Variants in COG5 observed in about 807,000 individuals in gnomAD.
The protein encoded by COG5 is conserved oligomeric Golgi complex subunit 5.
COG5 carries 86 observed loss-of-function variants against 110.4 expected under a neutral mutation model. The ratio of observed to expected loss-of-function variants is 0.78; its 90% CI spans 0.65 to 0.93. The LOEUF (loss-of-function observed/expected upper bound fraction) is 0.93. Ranked by LOEUF, COG5 falls within the 40% of genes least tolerant of loss-of-function variation. COG5 has a pLI of 0.00. For synonymous variants in COG5, 360 were observed against 334.6 expected, an observed-to-expected ratio of 1.08 and a Z score of -0.83; for missense variants, 1,077 against 987.0, an observed-to-expected ratio of 1.09 and a Z score of -1.22.
At chr7:107,410,882 C>A (rs982375944) in intron 7 of COG5, among the ~76,000 whole-genome samples, 1 of 152,030 alleles carries the variant, frequency 6.6e-6, no homozygotes, top group Admixed American at 6.6e-5. Flanking sequence ...TGACAATATT[C>A]AACGTTGATA....
At chr7:107,457,665 G>A (rs578006830) in intron 6 of COG5, among the ~76,000 whole-genome samples, 4 of 151,744 alleles carry the variant, frequency 2.6e-5, no homozygotes, top group African/African-American at 7.3e-5. Context: ...TCCTGAAGTC[G>A]TGATCCCCCC....
chr7:107,361,971 G>T, intron 10 of COG5, 62 bp downstream of exon 10: 1 of 1,108,666 alleles, frequency 9.0e-7, no homozygotes. Flanking sequence ...CACAAATGAT[G>T]CTGACTCATA....
At chr7:107,323,898 T>A (rs948941023) in intron 11 of COG5, among the ~76,000 whole-genome samples, 25 of 152,206 alleles carry the variant, frequency 1.6e-4, no homozygotes, top group Non-Finnish European at 3.2e-4. Context: ...CTGGTTTGCA[T>A]ATTTCATTGT....
At chr7:107,522,340 T>C (rs551219255) in intron 6 of COG5, among the ~76,000 whole-genome samples, 17 of 152,246 alleles carry the variant, frequency 1.1e-4, no homozygotes, top group African/African-American at 3.9e-4. Context: ...TGGTGGTGAA[T>C]GCCTGTAATC....
chr7:107,391,524 T>C (rs552748808), intron 7 of COG5, among the ~76,000 whole-genome samples: 2 of 152,346 alleles, frequency 1.3e-5, no homozygotes, highest in East Asian at 3.9e-4. Context: ...TTGTTACCTG[T>C]GCTTTTGGTG....
chr7:107,486,655 C>T (rs138916333), intron 6 of COG5, among the ~76,000 whole-genome samples: 1,742 of 151,756 alleles, frequency 0.011, 20 homozygotes, highest in Non-Finnish European at 0.015. Flanking sequence ...AACCATAATC[C>T]CAGGATTTAA....
At chr7:107,381,337 T>C (rs573910225) in intron 7 of COG5, among the ~76,000 whole-genome samples, 3 of 152,304 alleles carry the variant, frequency 2.0e-5, no homozygotes, top group African/African-American at 4.8e-5. Flanking sequence ...ATTTGACATG[T>C]TTAGCTACAT....
chr7:107,541,132 C>T (rs961625747), intron 5 of COG5, among the ~76,000 whole-genome samples: 6 of 147,972 alleles, frequency 4.1e-5, no homozygotes, highest in Non-Finnish European at 8.9e-5. Flanking sequence ...GCCTGGGCAA[C>T]AGAGCGGGAC....
chr7:107,473,118 C>A (rs1296926390), intron 6 of COG5: 1 of 151,768 alleles, frequency 6.6e-6, no homozygotes, highest in Admixed American at 6.6e-5. Flanking sequence ...AAAAAACGGG[C>A]TTCACATACT....
Position 107,438,079 on chromosome 7 carries a change from T to G in COG5, c.539-25447A>C, listed in dbSNP as rs75020357. Reference sequence around the variant, plus strand: ...ACGCCTGAAGATAAAGCAATCTTACTGAGGCCCTATGGATGAAAATAAGCA... The same window carrying G: ...ACGCCTGAAGATAAAGCAATCTTACGGAGGCCCTATGGATGAAAATAAGCA... On this transcript the variant is annotated intron_variant, in intron 6 of 21. Transcript: ENST00000297135. Among the ~76,000 whole-genome samples the G allele has an allele frequency of 4.4e-3, 668 of 152,268 alleles. 8 individuals carry two copies. The highest frequency in any genetic ancestry group is 0.015 in the African/African-American group (618 of 41,560).
At chr7:107,256,844 T>A in intron 15 of COG5, 50 bp from the exon 16 acceptor site, 1 of 1,297,504 alleles carries the variant, frequency 7.7e-7, no homozygotes, top group Non-Finnish European at 1.1e-6. Context: ...TCTATTTCTG[T>A]AAATACTAAT....
rs1453304131 is a variant in COG5, at chr7:107,306,182, AC to A, written c.1109-7837del. On this transcript the variant is annotated intron_variant, in intron 11 of 21. Transcript: ENST00000297135. ...ACAATGACAAAACAAAATCAGTTTT[AC>A]ATAAAAAATATAATTGTCTAGAGTA... 5.9e-5 allele frequency among the ~76,000 whole-genome samples: 9 copies of A among 152,312 alleles called. No individual in the cohort carries two copies. In the East Asian group the frequency reaches 1.7e-3, roughly 29 times the overall value.
chr7:107,213,390 C>A (rs990882929), intron 19 of COG5, among the ~76,000 whole-genome samples: 1 of 152,190 alleles, frequency 6.6e-6, no homozygotes, highest in African/African-American at 2.4e-5. Flanking sequence ...AGAGCCCATC[C>A]CATGGTCCAG....
chr7:107,476,210 A>C (rs1285832662), intron 6 of COG5, among the ~76,000 whole-genome samples: 1 of 148,670 alleles, frequency 6.7e-6, no homozygotes, highest in Admixed American at 6.7e-5. Context: ...AAAAAAAAGA[A>C]CAGTACATCA....
intron 6 of COG5, among the ~76,000 whole-genome samples, chr7:107,440,766 G>GAAT (rs1301487041): frequency 6.6e-6 from 1 of 152,158 alleles, no homozygotes; most frequent in Non-Finnish European, 1.5e-5. Flanking sequence ...CTGAGTTGAT[G>GAAT]AATACATCAA....
chr7:107,471,158 T>C lies in COG5; in HGVS notation c.538+56079A>G, dbSNP rs1333726361. Among the ~76,000 whole-genome samples the C allele has an allele frequency of 4.6e-5, 7 of 152,102 alleles. No homozygotes were observed. The East Asian group carries it at 1.2e-3, about 25-fold the overall frequency. On this transcript the variant is annotated intron_variant, in intron 6 of 21. Coordinates refer to ENST00000297135, the MANE Select transcript of COG5 (RefSeq NM_006348.5). ...ACAATTGTATTTGAAATGTGAACTC[T>C]ATTGTTAAATAACATAATATATACA...
Position 107,527,304 on chromosome 7 carries a change from T to G in COG5, c.471A>C (p.Arg157Ser). 6.2e-7 allele frequency: 1 copy of G among 1,612,638 alleles called. No individual in the cohort carries two copies. Among genetic ancestry groups the G allele is most frequent in the South Asian group, 1.1e-5 (1 of 90,918 alleles). The part of the protein sequence containing the change: ...RIIRILNLSK[R>S]LQGQLQGGSR... ...TTCCCCCTTGCAGTTGTCCTTGGAG[T>G]CTCTTACTGAGATTCAAGATACGAA... Residue 157 changes from arginine (R) to serine (S), a missense_variant, in exon 6 of 22, where the codon AGA becomes AGC. Physicochemically the swap from Arg to Ser is moderately radical, Grantham distance 110. Transcript: ENST00000297135.
chr7:107,252,778 T>C (rs1802617248), intron 16 of COG5, among the ~76,000 whole-genome samples: 1 of 152,100 alleles, frequency 6.6e-6, no homozygotes, highest in African/African-American at 2.4e-5. Flanking sequence ...TACTATAATA[T>C]ACTTCATTAG....
intron 16 of COG5, chr7:107,253,302 G>A (rs758897977): frequency 1.1e-4 from 16 of 152,074 alleles, no homozygotes; most frequent in Non-Finnish European, 2.2e-4. Flanking sequence ...ACTGAGAAAG[G>A]AGATTAGATT....
Sources: allele counts gnomAD v4.1 joint callset (sites outside exome capture counted in the v4.1 genomes callset), GRCh38; gene constraint gnomAD v4.1.1; transcripts MANE v1.5; gene names NCBI Gene and HGNC (gene_info 2026-07-23, HGNC 2026-07-21).